DEPP1: variants seen among roughly 807,000 people sequenced by gnomAD.
The protein encoded by DEPP1 is protein DEPP1.
For synonymous variants in DEPP1, 117 were observed against 113.6 expected (o/e 1.03, Z -0.19); for missense variants, 267 against 280.1 (o/e 0.95, Z 0.33).
Position 44,977,838 on chromosome 10 carries a change from G to A in DEPP1, c.193C>T (p.Pro65Ser). The change falls in exon 2 of 2, where the codon CCA (proline) becomes TCA (serine). Residue 65 changes from proline (P) to serine (S), a missense_variant. Transcript: ENST00000298295. ...CAGGCCTGGGCTGGCCTGTGGGGTGGCCTGGGTTGGCCCTGGGCCGTGGCC... is the reference window on the plus strand; with the variant it reads ...CAGGCCTGGGCTGGCCTGTGGGGTGACCTGGGTTGGCCCTGGGCCGTGGCC... ...DKATAQGQPR[P>S]PHRPAQACRK... 1 of 1,606,532 alleles carries A rather than the reference G, an allele frequency of 6.2e-7. No homozygotes were observed. Among genetic ancestry groups the A allele is most frequent in the Non-Finnish European group, 8.5e-7 (1 of 1,176,770 alleles).
At position 44,977,432 on chromosome 10, in the gene DEPP1, C is replaced by G. The variant is rs777934528; in HGVS notation, c.599G>C (p.Arg200Thr). ...CACCGGGAGGTGCGAGTAGAGTGTTCTGAGGACACTGCTGGGGCGGGGGCG... is the reference window on the plus strand; with the variant it reads ...CACCGGGAGGTGCGAGTAGAGTGTTGTGAGGACACTGCTGGGGCGGGGGCG... ...RHRPRPSSVL[R>T]TLYSHLPVIH... The change falls in exon 2 of 2, where the codon AGA becomes ACA. Residue 200 changes from arginine (R) to threonine (T), a missense_variant. Transcript: ENST00000298295. 7 of 1,608,706 alleles carry G rather than the reference C, an allele frequency of 4.4e-6. No individual in the cohort carries two copies. The highest frequency in any genetic ancestry group is 1.7e-4 in the Middle Eastern group (1 of 6,024).
At position 44,977,567 on chromosome 10, in the gene DEPP1, G is replaced by A; in HGVS notation, c.464C>T (p.Ala155Val). The change falls in exon 2 of 2, where the codon GCC becomes GTC. Residue 155 changes from alanine (A) to valine (V), a missense_variant. Transcript: ENST00000298295. ...MGAPRGRLCE[A>V]RMPGHSLARP... Reference sequence around the variant, plus strand: ...TGCCAGGGAATGCCCAGGCATCCTGGCTTCACAGAGCCTCCCTCTGGGGGC... The same window carrying A: ...TGCCAGGGAATGCCCAGGCATCCTGACTTCACAGAGCCTCCCTCTGGGGGC... 1 of 1,613,510 alleles carries A rather than the reference G, an allele frequency of 6.2e-7. No homozygotes were observed. The highest frequency in any genetic ancestry group is 8.5e-7 in the Non-Finnish European group (1 of 1,179,948).
chr10:44,977,353 C>T lies in DEPP1; in HGVS notation c.*39G>A, dbSNP rs751329665. 4 of 1,518,644 alleles carry T rather than the reference C, an allele frequency of 2.6e-6. No homozygotes were observed. The highest frequency in any genetic ancestry group is 1.4e-5 in the African/African-American group (1 of 71,856). 94.1% of individuals were successfully genotyped at this position (1,518,644 alleles called of 1,614,324 possible). A position where few individuals can be genotyped will look rare whatever the true frequency, so the allele number is the denominator to read the frequency against. ...TGGAGGAGACGAGAGGAGATGCAGA[C>T]CCAGCATGCTCTCTACAGAAGCCTT... is the stretch of plus-strand genomic sequence containing the variant. On this transcript the variant is annotated 3_prime_UTR_variant, in exon 2 of 2. Coordinates refer to ENST00000298295, the MANE Select transcript of DEPP1 (RefSeq NM_007021.4).
chr10:44,977,592 C>T lies in DEPP1; in HGVS notation c.439G>A (p.Ala147Thr), dbSNP rs753621695. ...RQMDSSKPMG[A>T]PRGRLCEARM... The stretch of plus-strand genomic sequence containing the variant: ...GCTTCACAGAGCCTCCCTCTGGGGG[C>T]CCCCATGGGCTTGCTGCTGTCCATC... The change falls in exon 2 of 2, where the codon GCC becomes ACC. Residue 147 changes from alanine (A) to threonine (T), a missense_variant. By Grantham distance (58) the Ala-to-Thr change is moderately conservative. Transcript: ENST00000298295. The T allele has an allele frequency of 1.2e-6, 2 of 1,613,188 alleles. No homozygotes were observed. Among genetic ancestry groups the T allele is most frequent in the Non-Finnish European group, 8.5e-7 (1 of 1,179,882 alleles).
rs925114657 is a variant in DEPP1, at chr10:44,978,151, G to A, written c.-25-96C>T. ...CCTCTGGGGCTGCCTGTAGGAATCCGGTGCCCTGAGAGCAATTTGAAGTCT... is the reference window on the plus strand; with the variant it reads ...CCTCTGGGGCTGCCTGTAGGAATCCAGTGCCCTGAGAGCAATTTGAAGTCT... On this transcript the variant is annotated intron_variant, in intron 1 of 1. Transcript: ENST00000298295. 11 of 1,170,448 alleles carry A rather than the reference G, an allele frequency of 9.4e-6. No individual in the cohort carries two copies. The African/African-American group carries it at 1.1e-4, about 12-fold the overall frequency. 72.5% of individuals were successfully genotyped at this position (1,170,448 alleles called of 1,614,324 possible).
intron 1 of DEPP1, 132 bp from the exon 2 acceptor site, chr10:44,978,187 G>T: frequency 1.3e-6 from 1 of 769,808 alleles, no homozygotes; most frequent in Non-Finnish European, 2.0e-6. Context: ...ACAGAGCCCA[G>T]ACCAGAGCTC....
At position 44,977,450 on chromosome 10, in the gene DEPP1, C is replaced by T. The variant is rs567104150; in HGVS notation, c.581G>A (p.Arg194His). 18 of 1,609,570 alleles carry T rather than the reference C, an allele frequency of 1.1e-5. No individual in the cohort carries two copies. Among genetic ancestry groups the T allele is most frequent in the East Asian group, 2.2e-5 (1 of 44,834 alleles). Residue 194 changes from arginine to histidine, a missense_variant, in exon 2 of 2, where the codon CGC (arginine) becomes CAC (histidine). By Grantham distance (29) the Arg-to-His change is conservative (BLOSUM62 0). Coordinates refer to ENST00000298295, the MANE Select transcript of DEPP1 (RefSeq NM_007021.4). Reference protein sequence around the residue: ...AQAMASRHRPRPSSVLRTLYS... With the variant: ...AQAMASRHRPHPSSVLRTLYS... ...GAGTGTTCTGAGGACACTGCTGGGGCGGGGGCGGTGGCGGGAGGCCATGGC... is the reference window on the plus strand; with the variant it reads ...GAGTGTTCTGAGGACACTGCTGGGGTGGGGGCGGTGGCGGGAGGCCATGGC...
rs1841559025 is a variant in DEPP1, at chr10:44,978,629, G to T, written c.-37C>A. On this transcript the variant is annotated 5_prime_UTR_variant, in exon 1 of 2. Coordinates refer to ENST00000298295, the MANE Select transcript of DEPP1 (RefSeq NM_007021.4). ...CTGCTCTCTCTTACCTGGAGCTGAG[G>T]AGGTCTGGGGGTGGCAGGAGAATGG... The T allele has an allele frequency of 6.6e-6, 1 of 152,418 alleles. No homozygotes were observed. Among genetic ancestry groups the T allele is most frequent in the African/African-American group, 2.4e-5 (1 of 41,442 alleles). 9.4% of individuals were successfully genotyped at this position (152,418 alleles called of 1,614,324 possible).
At position 44,977,713 on chromosome 10, in the gene DEPP1, G is replaced by A. The variant is rs751631089; in HGVS notation, c.318C>T (p.Asp106=). 9.9e-6 allele frequency: 16 copies of A among 1,611,586 alleles called. No homozygotes were observed. The Admixed American group carries it at 2.7e-4, about 27-fold the overall frequency. ...TTTCCTGGGACTCCCCAAAAAGCCA[G>A]TCCAGGGGGTCCACAGTATCAGCCA... ...LPMADTVDPL[D]WLFGESQEKQ... Residue 106 remains aspartate (D), a synonymous_variant, in exon 2 of 2, where the codon GAC becomes GAT. Transcript: ENST00000298295.
At position 44,978,038 on chromosome 10, in the gene DEPP1, G is replaced by T; in HGVS notation, c.-8C>A. ...CAGAAGCCGGGACCTCATCACTCTGGCGAGAGGAGGTGGCAACCTGTTGGG... is the reference window on the plus strand; with the variant it reads ...CAGAAGCCGGGACCTCATCACTCTGTCGAGAGGAGGTGGCAACCTGTTGGG... On this transcript the variant is annotated 5_prime_UTR_variant, in exon 2 of 2. Transcript: ENST00000298295. 1 of 1,596,728 alleles carries T rather than the reference G, an allele frequency of 6.3e-7. No homozygotes were observed. The highest frequency in any genetic ancestry group is 1.1e-5 in the South Asian group (1 of 88,778).
Position 44,977,544 on chromosome 10 carries a change from C to A in DEPP1, c.487G>T (p.Ala163Ser). ...TGCTGCCCATCCTGCGGTGGTCTTGCCAGGGAATGCCCAGGCATCCTGGCT... is the reference window on the plus strand; with the variant it reads ...TGCTGCCCATCCTGCGGTGGTCTTGACAGGGAATGCCCAGGCATCCTGGCT... ...CEARMPGHSL[A>S]RPPQDGQQSS... Residue 163 changes from alanine (A) to serine (S), a missense_variant, in exon 2 of 2, where the codon GCA (alanine) becomes TCA (serine). Transcript: ENST00000298295. 1.2e-6 allele frequency: 2 copies of A among 1,613,480 alleles called. No individual in the cohort carries two copies. The highest frequency in any genetic ancestry group is 2.2e-5 in the South Asian group (2 of 91,082).
Position 44,976,377 on chromosome 10 carries a change from A to T in DEPP1, c.*1015T>A, listed in dbSNP as rs1841426908. ...TCCAAAGCAATTAAAAATAGCCACA[A>T]AAAAAGAGAATAACCTAGACTGACA... On this transcript the variant is annotated 3_prime_UTR_variant, in exon 2 of 2. Transcript: ENST00000298295. 1 of 152,274 alleles carries T rather than the reference A, an allele frequency of 6.6e-6. No homozygotes were observed. Among genetic ancestry groups the T allele is most frequent in the Non-Finnish European group, 1.5e-5 (1 of 68,052 alleles). 9.4% of individuals were successfully genotyped at this position (152,274 alleles called of 1,614,324 possible). A position where few individuals can be genotyped will look rare whatever the true frequency, so the allele number is the denominator to read the frequency against.
chr10:44,977,410 C>G lies in DEPP1; in HGVS notation c.621G>C (p.Pro207=). The G allele has an allele frequency of 6.3e-7, 1 of 1,588,610 alleles. No individual in the cohort carries two copies. Among genetic ancestry groups the G allele is most frequent in the Non-Finnish European group, 8.6e-7 (1 of 1,164,396 alleles). ...SVLRTLYSHL[P]VIHEL The stretch of plus-strand genomic sequence containing the variant: ...GGAGGGGTCAGAGTTCATGGATCAC[C>G]GGGAGGTGCGAGTAGAGTGTTCTGA... Residue 207 remains proline, a synonymous_variant, in exon 2 of 2, where the codon CCG becomes CCC. Coordinates refer to ENST00000298295, the MANE Select transcript of DEPP1 (RefSeq NM_007021.4).
rs200922090 is a variant in DEPP1 at position 44,977,974 on chromosome 10, C to A, written c.57G>T (p.Thr19=). 1.2e-6 allele frequency: 2 copies of A among 1,612,194 alleles called. No homozygotes were observed. The highest frequency in any genetic ancestry group is 3.3e-5 in the Admixed American group (2 of 59,706). The change falls in exon 2 of 2, where the codon ACG becomes ACT. Residue 19 remains threonine (T), a synonymous_variant. Transcript: ENST00000298295. Reference sequence around the variant, plus strand: ...CAGGACCCCCAAGCAGCATCTCCTCCGTGGTCTCCCGAATTGTGGGCAGAT... The same window carrying A: ...CAGGACCCCCAAGCAGCATCTCCTCAGTGGTCTCCCGAATTGTGGGCAGAT... ...VAHLPTIRET[T]EEMLLGGPGQ...
rs1183155354 is a variant in DEPP1 at position 44,977,890 on chromosome 10, C to T, written c.141G>A (p.Leu47=). 6.2e-7 allele frequency: 1 copy of T among 1,612,540 alleles called. No homozygotes were observed. Among genetic ancestry groups the T allele is most frequent in the East Asian group, 2.2e-5 (1 of 44,876 alleles). The change falls in exon 2 of 2, where the codon CTG becomes CTA. Residue 47 remains leucine (L), a synonymous_variant. Coordinates refer to ENST00000298295, the MANE Select transcript of DEPP1 (RefSeq NM_007021.4). ...LDDYVRSISR[L]AQPTSVLDKA... ...TGTCCAGCACAGAGGTGGGCTGTGCCAGTCGAGATATAGACCTCACGTAGT... is the reference window on the plus strand; with the variant it reads ...TGTCCAGCACAGAGGTGGGCTGTGCTAGTCGAGATATAGACCTCACGTAGT...
Position 44,977,594 on chromosome 10 carries a change from C to A in DEPP1, c.437G>T (p.Gly146Val), listed in dbSNP as rs776762120. 34 of 1,613,244 alleles carry A rather than the reference C, an allele frequency of 2.1e-5. No individual in the cohort carries two copies. The highest frequency in any genetic ancestry group is 2.8e-5 in the Non-Finnish European group (33 of 1,179,890). The part of the protein sequence containing the change: ...HRQMDSSKPM[G>V]APRGRLCEAR... ...TTCACAGAGCCTCCCTCTGGGGGCCCCCATGGGCTTGCTGCTGTCCATCTG... is the reference window on the plus strand; with the variant it reads ...TTCACAGAGCCTCCCTCTGGGGGCCACCATGGGCTTGCTGCTGTCCATCTG... Residue 146 changes from glycine to valine, a missense_variant, in exon 2 of 2, where the codon GGG becomes GTG. Gly to Val is a moderately radical substitution (Grantham distance 109, BLOSUM62 -3). Transcript: ENST00000298295.
chr10:44,978,717 G>T lies in DEPP1; in HGVS notation c.-125C>A, dbSNP rs1325176543. 6.6e-6 allele frequency: 1 copy of T among 152,496 alleles called. No homozygotes were observed. Among genetic ancestry groups the T allele is most frequent in the Admixed American group, 6.5e-5 (1 of 15,276 alleles). The allele number at this position is 152,496 out of a possible 1,614,324, so 9.4% of individuals were successfully genotyped here. A position where few individuals can be genotyped will look rare whatever the true frequency, so the allele number is the denominator to read the frequency against. On this transcript the variant is annotated 5_prime_UTR_variant, in exon 1 of 2. Transcript: ENST00000298295. ...GAAGCTTGGGGGCCGAAGGGTGGAG[G>T]GTCCGGCAGGGGGTCCAGCGTGGGG...
chr10:44,977,608 G>A lies in DEPP1; in HGVS notation c.423C>T (p.Ser141=). The change falls in exon 2 of 2, where the codon AGC becomes AGT. Residue 141 remains serine, a synonymous_variant. Transcript: ENST00000298295. ...CTCTGGGGGCCCCCATGGGCTTGCTGCTGTCCATCTGTCTATGTGGACCCC... is the reference window on the plus strand; with the variant it reads ...CTCTGGGGGCCCCCATGGGCTTGCTACTGTCCATCTGTCTATGTGGACCCC... ...GLWGPHRQMD[S]SKPMGAPRGR... 1.9e-6 allele frequency: 3 copies of A among 1,613,306 alleles called. No homozygotes were observed. Among genetic ancestry groups the A allele is most frequent in the Non-Finnish European group, 2.5e-6 (3 of 1,179,852 alleles).
Position 44,978,058 on chromosome 10 carries a change from G to C in DEPP1, c.-25-3C>G. 1.3e-6 allele frequency: 2 copies of C among 1,588,474 alleles called. No homozygotes were observed. Among genetic ancestry groups the C allele is most frequent in the African/African-American group, 1.4e-5 (1 of 73,412 alleles). On this transcript the variant is annotated splice_polypyrimidine_tract_variant and splice_region_variant and intron_variant, in intron 1 of 1. Transcript: ENST00000298295. ...CTCTGGCGAGAGGAGGTGGCAACCT[G>C]TTGGGAAACAGAAGCCTGGTGGTGA... is the stretch of plus-strand genomic sequence containing the variant.
Sources: gnomAD v4.1 joint callset for allele counts on GRCh38, gnomAD v4.1.1 for gene constraint, MANE v1.5 for transcripts, NCBI Gene and HGNC (gene_info 2026-07-23, HGNC 2026-07-21) for gene names.